The following TMEM132D variants were observed in gnomAD, a reference collection of about 807,000 sequenced individuals.
TMEM132D encodes mature OL transmembrane protein.
Under a neutral mutation model 62.3 loss-of-function variants are expected in TMEM132D, and 21 were observed. That is an observed-to-expected ratio of 0.34 (90% CI 0.24 to 0.49). The LOEUF (loss-of-function observed/expected upper bound fraction) is 0.49, where lower values mean the gene tolerates loss of function less well. TMEM132D is among the 20% of genes least tolerant of loss of function. TMEM132D has a pLI of 0.99. For missense variants in TMEM132D, 1,346 were observed against 1,402.8 expected, an observed-to-expected ratio of 0.96 and a Z score of 0.65; for synonymous variants, 621 against 575.6, an observed-to-expected ratio of 1.08 and a Z score of -1.13.
At chr12:129,327,975 A>G (rs913950759) in intron 4 of TMEM132D, among the ~76,000 whole-genome samples, 2 of 152,108 alleles carry the variant, frequency 1.3e-5, no homozygotes, top group Non-Finnish European at 2.9e-5. Context: ...CTCCAGTTGC[A>G]CTGGACCTTT....
chr12:129,131,984 A>G (rs1876389018), intron 5 of TMEM132D, among the ~76,000 whole-genome samples: 2 of 152,242 alleles, frequency 1.3e-5, no homozygotes, highest in Admixed American at 1.3e-4. Flanking sequence ...ACCCTCCTAA[A>G]CTGATGAAAA....
intron 1 of TMEM132D, among the ~76,000 whole-genome samples, chr12:129,747,224 C>A (rs1869823854): frequency 7.7e-6 from 1 of 129,546 alleles, no homozygotes; most frequent in Non-Finnish European, 1.7e-5. Flanking sequence ...TTCCAGCCAC[C>A]CTGTCCTCTT....
chr12:129,298,907 C>A (rs1339142138), intron 4 of TMEM132D, among the ~76,000 whole-genome samples: 1 of 152,166 alleles, frequency 6.6e-6, no homozygotes, highest in East Asian at 1.9e-4. Context: ...TGACGATAAA[C>A]CTCCTCTTAG....
chr12:129,159,359 T>C (rs1327601592), intron 5 of TMEM132D, among the ~76,000 whole-genome samples: 1 of 152,124 alleles, frequency 6.6e-6, no homozygotes, highest in Non-Finnish European at 1.5e-5. Context: ...ACACCTTATA[T>C]AGAAAGTCAA....
chr12:129,673,309 C>T (rs564427751), intron 2 of TMEM132D, among the ~76,000 whole-genome samples: 1 of 152,152 alleles, frequency 6.6e-6, no homozygotes, highest in Non-Finnish European at 1.5e-5. Flanking sequence ...TTAAAGTTGA[C>T]TTTTTAAAAA....
chr12:129,838,634 G>T (rs981323796), intron 1 of TMEM132D, among the ~76,000 whole-genome samples: 2 of 152,088 alleles, frequency 1.3e-5, no homozygotes, highest in South Asian at 4.1e-4. Flanking sequence ...AATATAGAAA[G>T]AGCTGTTAGA....
At chr12:129,419,987 T>C (rs925598874) in intron 3 of TMEM132D, among the ~76,000 whole-genome samples, 4 of 152,174 alleles carry the variant, frequency 2.6e-5, no homozygotes, top group African/African-American at 9.7e-5. Flanking sequence ...CAAAATGAAC[T>C]CAGAAAATTA....
In TMEM132D at chr12:129,537,158, T is replaced by TAAAAAAA. The variant is rs10635477; in HGVS notation, c.969-5960_969-5954dup. 5.2e-5 allele frequency among the ~76,000 whole-genome samples: 6 copies of TAAAAAAA among 114,350 alleles called. 1 individual carries two copies. The highest frequency in any genetic ancestry group is 6.9e-5 in the Non-Finnish European group (4 of 58,130). 75.0% of individuals were successfully genotyped at this position (114,350 alleles called of 152,430 possible). ...CTGGGTGACAGAGTGAAACTCTGTCTAAAAAAAAAAAAAAAATTCATATGC... is the reference window on the plus strand; with the variant it reads ...CTGGGTGACAGAGTGAAACTCTGTCTAAAAAAAAAAAAAAAAAAAAAAATTCATATGC... On this transcript the variant is annotated intron_variant, in intron 2 of 8. Transcript: ENST00000422113.
intron 4 of TMEM132D, among the ~76,000 whole-genome samples, chr12:129,265,360 G>T (rs1183723694): frequency 6.6e-6 from 1 of 152,194 alleles, no homozygotes; most frequent in Non-Finnish European, 1.5e-5. Flanking sequence ...TGGTAGATGG[G>T]GGAGCCAAGG....
chr12:129,301,231 T>G lies in TMEM132D; in HGVS notation c.1299+36403A>C, dbSNP rs116704821. On this transcript the variant is annotated intron_variant, in intron 4 of 8. Transcript: ENST00000422113. ...TTCCTGGTTGTGCTGTCCTGTTTAT[T>G]TAAGCTTCTTGTTAATGCTCGACTT... Among the ~76,000 whole-genome samples, 473 of 152,336 alleles carry G rather than the reference T, an allele frequency of 3.1e-3. 2 individuals carry two copies. Among genetic ancestry groups the G allele is most frequent in the African/African-American group, 0.011 (458 of 41,574 alleles).
At chr12:129,422,531 G>C (rs1349234869) in intron 3 of TMEM132D, among the ~76,000 whole-genome samples, 2 of 152,156 alleles carry the variant, frequency 1.3e-5, no homozygotes, top group Admixed American at 6.5e-5. Flanking sequence ...GCAAGAATTA[G>C]ATTAACATCT....
chr12:129,858,924 G>T lies in TMEM132D; in HGVS notation c.79+44337C>A, dbSNP rs183920781. On this transcript the variant is annotated intron_variant, in intron 1 of 8. Coordinates refer to ENST00000422113, the MANE Select transcript of TMEM132D (RefSeq NM_133448.3). ...TCCGGGGGATGGGATGGCTGCCCTT[G>T]TAACGGAGTCCGGGGGAACGGGATG... Among the ~76,000 whole-genome samples, 22 of 124,744 alleles carry T rather than the reference G, an allele frequency of 1.8e-4. 1 individual carries two copies. The East Asian group carries it at 4.7e-3, about 27-fold the overall frequency. The allele number at this position is 124,744 out of a possible 152,430, so 81.8% of individuals were successfully genotyped here.
chr12:129,377,586 T>C (rs1870820130), intron 3 of TMEM132D, among the ~76,000 whole-genome samples: 1 of 152,180 alleles, frequency 6.6e-6, no homozygotes, highest in Admixed American at 6.5e-5. Flanking sequence ...TCTACCATAT[T>C]CCAGTGTCCC....
intron 4 of TMEM132D, among the ~76,000 whole-genome samples, chr12:129,322,784 CTCACAT>C (rs1401058433): frequency 6.6e-6 from 1 of 152,082 alleles, no homozygotes; most frequent in Non-Finnish European, 1.5e-5. Flanking sequence ...ACTTAATACT[CTCACAT>C]TAAGTAAAAT....
intron 1 of TMEM132D, among the ~76,000 whole-genome samples, chr12:129,766,264 T>C (rs577782610): frequency 1.3e-5 from 2 of 152,106 alleles, no homozygotes; most frequent in Non-Finnish European, 2.9e-5. Context: ...AGATTAGCCC[T>C]GACTTATACT....
intron 3 of TMEM132D, among the ~76,000 whole-genome samples, chr12:129,363,131 G>A (rs930076514): frequency 3.3e-5 from 5 of 152,116 alleles, no homozygotes; most frequent in Admixed American, 1.3e-4. Context: ...AGCAGAATAC[G>A]TCACCAGGTC....
chr12:129,822,800 C>T (rs1456499734), intron 1 of TMEM132D, among the ~76,000 whole-genome samples: 2 of 152,240 alleles, frequency 1.3e-5, no homozygotes, highest in Middle Eastern at 3.4e-3. Context: ...GGGAAAATCA[C>T]CCCCATGATT....
chr12:129,179,453 G>A (rs1372976619), intron 5 of TMEM132D, among the ~76,000 whole-genome samples: 1 of 152,128 alleles, frequency 6.6e-6, no homozygotes, highest in Non-Finnish European at 1.5e-5. Flanking sequence ...TTCTGTGGGA[G>A]ACAAGGGTGA....
chr12:129,899,869 C>G (rs1398588169), intron 1 of TMEM132D, among the ~76,000 whole-genome samples: 1 of 152,102 alleles, frequency 6.6e-6, no homozygotes, highest in Non-Finnish European at 1.5e-5. Flanking sequence ...AAGCCACACT[C>G]TCTCTCTCCC....
Sources: allele counts gnomAD v4.1 joint callset (sites outside exome capture counted in the v4.1 genomes callset), GRCh38; gene constraint gnomAD v4.1.1; transcripts MANE v1.5; gene names NCBI Gene and HGNC (gene_info 2026-07-23, HGNC 2026-07-21).